Variants in SNTG2 observed in about 807,000 individuals in gnomAD.
SNTG2 encodes syntrophin gamma 2, also known as gamma-2-syntrophin.
A neutral mutation model predicts 70.9 loss-of-function variants in SNTG2; 74 were observed. The observed-to-expected ratio is 1.04, with a 90% CI of 0.86 to 1.27. SNTG2 has a LOEUF of 1.27. SNTG2 is among the 50% of genes most tolerant of loss of function. SNTG2 has a pLI of 0.00. For synonymous variants in SNTG2, 278 were observed against 273.8 expected (o/e 1.02, Z -0.15); for missense variants, 717 against 690.7 (o/e 1.04, Z -0.43).
At chr2:1,325,669 T>C (rs1558209646) in intron 16 of SNTG2, among the ~76,000 whole-genome samples, 1 of 152,232 alleles carries the variant, frequency 6.6e-6, no homozygotes, top group Non-Finnish European at 1.5e-5. Context: ...TGTAGTTGAT[T>C]ATGCTTTTTT....
chr2:1,255,843 A>AATATATATAAATATATATAAATATAT (rs1678036423), intron 12 of SNTG2, among the ~76,000 whole-genome samples: 1 of 32,434 alleles, frequency 3.1e-5, no homozygotes, highest in Non-Finnish European at 5.4e-5. Context: ...AATATATATA[A>AATATATATAAATATATATAAATATAT]ATATATATAA....
intron 1 of SNTG2, among the ~76,000 whole-genome samples, chr2:1,033,526 G>A (rs372691779): frequency 1.3e-5 from 1 of 79,488 alleles, no homozygotes; most frequent in South Asian, 3.1e-4. Context: ...GATGGAAACA[G>A]GGTATGTTAA....
intron 14 of SNTG2, among the ~76,000 whole-genome samples, chr2:1,303,000 T>A (rs1234063317): frequency 1.3e-5 from 2 of 151,328 alleles, no homozygotes; most frequent in East Asian, 1.9e-4. Flanking sequence ...AAGCAAAAAC[T>A]GAGAACTGAA....
At chr2:1,077,334 G>A (rs775682003) in intron 1 of SNTG2, among the ~76,000 whole-genome samples, 7 of 152,142 alleles carry the variant, frequency 4.6e-5, no homozygotes, top group Non-Finnish European at 7.3e-5. Flanking sequence ...GCTGGTGTGC[G>A]GTGTTGCTAT....
At chr2:1,019,111 A>G (rs1293259007) in intron 1 of SNTG2, among the ~76,000 whole-genome samples, 4 of 152,190 alleles carry the variant, frequency 2.6e-5, no homozygotes, top group Non-Finnish European at 2.9e-5. Context: ...AGTTGTGGAC[A>G]GGCATTCTGA....
intron 1 of SNTG2, among the ~76,000 whole-genome samples, chr2:952,967 G>T (rs1042060414): frequency 1.4e-5 from 2 of 141,068 alleles, no homozygotes; most frequent in Admixed American, 1.3e-4. Flanking sequence ...AATCATTTCA[G>T]TTAAGAGAAC....
chr2:1,092,971 G>A (rs13393336), intron 2 of SNTG2, among the ~76,000 whole-genome samples: 5,906 of 152,304 alleles, frequency 0.039, 198 homozygotes, highest in East Asian at 0.15. Context: ...AAGCAGGATT[G>A]ACTTTGAAAA....
intron 1 of SNTG2, among the ~76,000 whole-genome samples, chr2:953,681 C>T (rs144319188): frequency 1.7e-3 from 261 of 152,322 alleles, no homozygotes; most frequent in African/African-American, 5.8e-3. Flanking sequence ...ACAAAGCAGG[C>T]AGTTACCTGA....
At chr2:1,204,295 C>A (rs114489224) in intron 8 of SNTG2, among the ~76,000 whole-genome samples, 1,812 of 152,236 alleles carry the variant, frequency 0.012, 37 homozygotes, top group African/African-American at 0.041. Flanking sequence ...TTATTGTATG[C>A]CATTTATGCC....
At chr2:979,345 G>T (rs934370034) in intron 1 of SNTG2, among the ~76,000 whole-genome samples, 2 of 152,222 alleles carry the variant, frequency 1.3e-5, no homozygotes, top group African/African-American at 4.8e-5. Flanking sequence ...AATTCAAGGA[G>T]ATAATTGATT....
intron 16 of SNTG2, among the ~76,000 whole-genome samples, chr2:1,330,077 T>G (rs1392499662): frequency 6.6e-6 from 1 of 152,102 alleles, no homozygotes; most frequent in African/African-American, 2.4e-5. Flanking sequence ...GCCAGGAAGC[T>G]CTATCTTTGT....
At chr2:1,028,238 G>C (rs1408719510) in intron 1 of SNTG2, among the ~76,000 whole-genome samples, 2 of 149,096 alleles carry the variant, frequency 1.3e-5, no homozygotes, top group African/African-American at 5.2e-5. Flanking sequence ...CATCACTGAA[G>C]GTGCGTCTGA....
intron 1 of SNTG2, among the ~76,000 whole-genome samples, chr2:1,026,249 A>T (rs1484515858): frequency 6.6e-6 from 1 of 152,154 alleles, no homozygotes; most frequent in East Asian, 1.9e-4. Context: ...GCATTGTTTT[A>T]TGGTAATTCA....
chr2:1,028,408 A>G (rs1372350033), intron 1 of SNTG2, among the ~76,000 whole-genome samples: 1 of 152,238 alleles, frequency 6.6e-6, no homozygotes, highest in Non-Finnish European at 1.5e-5. Context: ...CACTGACTGC[A>G]GGTATCCTGA....
At chr2:1,014,889 G>A (rs903045184) in intron 1 of SNTG2, among the ~76,000 whole-genome samples, 1 of 152,148 alleles carries the variant, frequency 6.6e-6, no homozygotes, top group African/African-American at 2.4e-5. Context: ...TGCAGTTGAG[G>A]GGAGGGGTGG....
intron 4 of SNTG2, among the ~76,000 whole-genome samples, chr2:1,114,580 G>A (rs1480207837): frequency 1.3e-5 from 2 of 148,692 alleles, no homozygotes; most frequent in African/African-American, 5.2e-5. Flanking sequence ...AACCCTTAGA[G>A]TCCTTTGAGG....
intron 1 of SNTG2, among the ~76,000 whole-genome samples, chr2:1,045,337 C>CT (rs914976648): frequency 6.6e-6 from 1 of 151,720 alleles, no homozygotes; most frequent in African/African-American, 2.4e-5. Flanking sequence ...TAAAAAAAAA[C>CT]TTTTGGTTTC....
chr2:1,328,899 G>A lies in SNTG2; in HGVS notation c.1488+12524G>A, dbSNP rs1046727984. On this transcript the variant is annotated intron_variant, in intron 16 of 16. Coordinates refer to ENST00000308624, the MANE Select transcript of SNTG2 (RefSeq NM_018968.4). ...CATGCACACGCATACACACATGCAT[G>A]CACACACACATGCACACATACACAC... 4.7e-5 allele frequency among the ~76,000 whole-genome samples: 6 copies of A among 127,950 alleles called. No individual in the cohort carries two copies. The East Asian group carries it at 1.1e-3, about 23-fold the overall frequency. 83.9% of individuals were successfully genotyped at this position (127,950 alleles called of 152,430 possible).
chr2:1,128,815 G>A (rs7589852), intron 4 of SNTG2, among the ~76,000 whole-genome samples: 71,988 of 151,736 alleles, frequency 0.47, 18,077 homozygotes, highest in East Asian at 0.66. Flanking sequence ...GCCAGGATGA[G>A]AGTGCACAGG....
Sources: allele counts gnomAD v4.1 joint callset (sites outside exome capture counted in the v4.1 genomes callset), GRCh38; gene constraint gnomAD v4.1.1; transcripts MANE v1.5; gene names NCBI Gene and HGNC (gene_info 2026-07-23, HGNC 2026-07-21).